The following SLC34A3 variants were observed in gnomAD, a reference collection of about 807,000 sequenced individuals.
SLC34A3 encodes sodium-dependent phosphate transport protein 2C.
A neutral mutation model predicts 43.9 loss-of-function variants in SLC34A3; 60 were observed. The observed-to-expected ratio is 1.37, with a 90% confidence interval of 1.11 to 1.70. SLC34A3 has a LOEUF of 1.70. SLC34A3 is among the 40% of genes most tolerant of loss of function. The probability of loss-of-function intolerance (pLI) is 0.00; values close to 1 mark genes in which losing one functional copy is unlikely to be tolerated. For synonymous variants in SLC34A3, 451 were observed against 386.2 expected (o/e 1.17, Z -1.97); for missense variants, 969 against 823.8 (o/e 1.18, Z -2.16).
At chr9:137,235,336 G>A (rs1012708707) in intron 12 of SLC34A3, among the ~76,000 whole-genome samples, 5 of 152,142 alleles carry the variant, frequency 3.3e-5, no homozygotes, top group South Asian at 2.1e-4. Context: ...TTCAGCTCCC[G>A]AAACTCCGGG....
intron 12 of SLC34A3, among the ~76,000 whole-genome samples, chr9:137,235,343 C>T (rs1022628127): frequency 1.3e-5 from 2 of 152,188 alleles, no homozygotes; most frequent in African/African-American, 2.4e-5. Flanking sequence ...CCCGAAACTC[C>T]GGGTCATGCT....
chr9:137,231,380 G>C (rs1029097654), intron 1 of SLC34A3, among the ~76,000 whole-genome samples: 1 of 152,148 alleles, frequency 6.6e-6, no homozygotes, highest in Non-Finnish European at 1.5e-5. Flanking sequence ...CTGCACCCTC[G>C]GCACTAGCCT....
At position 137,234,442 on chromosome 9, in the gene SLC34A3, G is replaced by T. The variant is rs762784419; in HGVS notation, c.1120G>T (p.Gly374Cys). 1 of 1,598,392 alleles carries T rather than the reference G, an allele frequency of 6.3e-7. No individual in the cohort carries two copies. Among genetic ancestry groups the T allele is most frequent in the Non-Finnish European group, 8.5e-7 (1 of 1,178,994 alleles). ...CTTCCCCTTCCCGCTGGGCTGGCTC[G>T]GCGGCTACCTGGCCGTCCTCGCGGG... The part of the protein sequence containing the change: ...ADFPFPLGWL[G>C]GYLAVLAGAG... The change falls in exon 11 of 13, where the codon GGC (glycine) becomes TGC (cysteine). Residue 374 changes from glycine to cysteine, a missense_variant. Physicochemically the swap from Gly to Cys is radical, Grantham distance 159. Transcript: ENST00000673835. The surrounding 1 kb of genome is among the most constrained non-coding windows in gnomAD (Gnocchi z 6.9).
chr9:137,230,190 G>A (rs1438588858), upstream of SLC34A3, among the ~76,000 whole-genome samples: 1 of 152,132 alleles, frequency 6.6e-6, no homozygotes, highest in East Asian at 1.9e-4. Context: ...CAGGCGGTGG[G>A]GCCAGCTGGG....
chr9:137,236,417 C>A lies in SLC34A3; in HGVS notation c.*1C>A. On this transcript the variant is annotated 3_prime_UTR_variant, in exon 13 of 13. Coordinates refer to ENST00000673835, the MANE Select transcript of SLC34A3 (RefSeq NM_001177316.2). The stretch of plus-strand genomic sequence containing the variant: ...GATCTTGGCCTCCCAGCAGTTGTGA[C>A]GGGCAGTTGCTGAGCAGACCGCCCC... 2 of 1,536,362 alleles carry A rather than the reference C, an allele frequency of 1.3e-6. No homozygotes were observed. The highest frequency in any genetic ancestry group is 1.2e-5 in the South Asian group (1 of 84,046).
At chr9:137,233,162 C>T in intron 6 of SLC34A3, 47 bp downstream of exon 6, 1 of 1,548,710 alleles carries the variant, frequency 6.5e-7, no homozygotes, top group Non-Finnish European at 8.7e-7. Context: ...GTGGCAGCCC[C>T]AGCCCGGGCC....
At chr9:137,232,517 G>A (rs1443063186) in intron 3 of SLC34A3, 58 bp from the exon 4 acceptor site, 1 of 1,604,418 alleles carries the variant, frequency 6.2e-7, no homozygotes, top group African/African-American at 1.3e-5. Context: ...GAGGGGCCTG[G>A]GAGGGAGACC....
rs199652389 is a variant in SLC34A3 at position 137,232,723 on chromosome 9, C to T, written c.304+20C>T. 406 of 1,612,904 alleles carry T rather than the reference C, an allele frequency of 2.5e-4. No homozygotes were observed. The East Asian group carries it at 8.1e-3, about 32-fold the overall frequency. On this transcript the variant is annotated intron_variant, in intron 4 of 12. Coordinates refer to ENST00000673835, the MANE Select transcript of SLC34A3 (RefSeq NM_001177316.2). ...TGGGCAGTGAGTGACGGGACGGGTG[C>T]CCAGGGCGGGGCGGGCAACCAGCCC...
At chr9:137,233,779 T>TTTGGCCCCCCCCCC in intron 8 of SLC34A3, 57 bp downstream of exon 8, 1 of 1,445,826 alleles carries the variant, frequency 6.9e-7, no homozygotes, top group Non-Finnish European at 9.6e-7. Context: ...TGCTGAGTCA[T>TTTGGCCCCCCCCCC]CCCGCCCCAC....
chr9:137,233,779 T>TGGGGGGCCCCCCCCCCCCCCCCCCCCCCC, intron 8 of SLC34A3, 57 bp downstream of exon 8: 1 of 1,445,822 alleles, frequency 6.9e-7, no homozygotes. Context: ...TGCTGAGTCA[T>TGGGGGGCCCCCCCCCCCCCCCCCCCCCCC]CCCGCCCCAC....
upstream of SLC34A3, among the ~76,000 whole-genome samples, chr9:137,230,127 C>G (rs1250663443): frequency 1.3e-5 from 2 of 152,152 alleles, no homozygotes; most frequent in African/African-American, 4.8e-5. Flanking sequence ...TCTGGGGGAG[C>G]TGCCCCGCAC....
rs1304999001 is a variant in SLC34A3, at chr9:137,236,392, G to A, written c.1776G>A (p.Glu592=). 5 of 1,537,876 alleles carry A rather than the reference G, an allele frequency of 3.3e-6. No homozygotes were observed. Among genetic ancestry groups the A allele is most frequent in the Non-Finnish European group, 4.4e-6 (5 of 1,146,776 alleles). The change falls in exon 13 of 13, where the codon GAG becomes GAA. Residue 592 remains glutamate (E), a synonymous_variant. Coordinates refer to ENST00000673835, the MANE Select transcript of SLC34A3 (RefSeq NM_001177316.2). ...TKEAYCYENP[E]ILASQQL ...AGGCCTACTGCTACGAGAACCCTGA[G>A]ATCTTGGCCTCCCAGCAGTTGTGAC...
chr9:137,232,712 C>T lies in SLC34A3; in HGVS notation c.304+9C>T, dbSNP rs758185208. The T allele has an allele frequency of 1.6e-5, 25 of 1,612,778 alleles. No homozygotes were observed. Among genetic ancestry groups the T allele is most frequent in the Middle Eastern group, 1.6e-4 (1 of 6,084 alleles). On this transcript the variant is annotated intron_variant, in intron 4 of 12. Transcript: ENST00000673835. ...CTTCCAGCTGCTGGGCAGTGAGTGA[C>T]GGGACGGGTGCCCAGGGCGGGGCGG...
intron 7 of SLC34A3, 25 bp from the exon 8 acceptor site, chr9:137,233,608 C>T (rs2131411178): frequency 6.2e-7 from 1 of 1,606,966 alleles, no homozygotes; most frequent in Non-Finnish European, 8.5e-7. Flanking sequence ...GTGCAGCACA[C>T]CGTCACGACC....
rs1258076892 is a variant in SLC34A3 at position 137,232,030 on chromosome 9, A to G, written c.86-42A>G. 8 of 1,580,232 alleles carry G rather than the reference A, an allele frequency of 5.1e-6. No homozygotes were observed. In the East Asian group the frequency reaches 1.6e-4, roughly 31 times the overall value. Reference sequence around the variant, plus strand: ...TGCCCTTGTGCCCCCAGTTGGAGGGAGGTGGTCCTGGAAACAGCCGTACTC... The same window carrying G: ...TGCCCTTGTGCCCCCAGTTGGAGGGGGGTGGTCCTGGAAACAGCCGTACTC... On this transcript the variant is annotated intron_variant, in intron 2 of 12. Transcript: ENST00000673835.
chr9:137,234,178 T>C lies in SLC34A3; in HGVS notation c.995T>C (p.Leu332Pro), dbSNP rs765668692. Residue 332 changes from leucine (L) to proline (P), a missense_variant, in exon 10 of 13, where the codon CTG (leucine) becomes CCG (proline). Coordinates refer to ENST00000673835, the MANE Select transcript of SLC34A3 (RefSeq NM_001177316.2). The surrounding 1 kb of genome is among the most constrained non-coding windows in gnomAD (Gnocchi z 6.9). ...AVGCILLAGSLLVLCGCLVLI... is the reference protein window; with the variant it reads ...AVGCILLAGSPLVLCGCLVLI... ...GGCTGCATCCTGCTGGCCGGCTCCC[T>C]GCTGGTGCTCTGCGGCTGCCTGGTC... The C allele has an allele frequency of 9.5e-5, 152 of 1,605,378 alleles. No individual in the cohort carries two copies. The highest frequency in any genetic ancestry group is 1.2e-4 in the Non-Finnish European group (147 of 1,178,418).
intron 3 of SLC34A3, 128 bp downstream of exon 3, chr9:137,232,289 C>A: frequency 1.1e-6 from 1 of 947,406 alleles, no homozygotes; most frequent in Admixed American, 1.9e-5. Context: ...CAGGCCCCCT[C>A]TGGGGAGACA....
rs201683019 is a variant in SLC34A3, at chr9:137,234,484, G to A, written c.1162G>A (p.Ala388Thr). The A allele has an allele frequency of 1.8e-4, 287 of 1,602,314 alleles. No homozygotes were observed. In the African/African-American group the frequency reaches 3.3e-3, roughly 19 times the overall value. The change falls in exon 11 of 13, where the codon GCA becomes ACA. Residue 388 changes from alanine (A) to threonine (T), a missense_variant. Coordinates refer to ENST00000673835, the MANE Select transcript of SLC34A3 (RefSeq NM_001177316.2). This position sits in a 1 kb window ranked among gnomAD's most constrained non-coding sequence, Gnocchi z 6.9. The part of the protein sequence containing the change: ...AVLAGAGLTF[A>T]LQSSSVFTAA... Reference sequence around the variant, plus strand: ...CCTCGCGGGCGCCGGCCTGACCTTCGCACTGCAGAGCAGCAGCGTCTTCAC... The same window carrying A: ...CCTCGCGGGCGCCGGCCTGACCTTCACACTGCAGAGCAGCAGCGTCTTCAC...
rs121918239 is a variant in SLC34A3 at position 137,233,404 on chromosome 9, G to A, written c.756G>A (p.Gln252=). Residue 252 remains glutamine, a splice_region_variant and synonymous_variant, in exon 7 of 13, where the codon CAG becomes CAA. Coordinates refer to ENST00000673835, the MANE Select transcript of SLC34A3 (RefSeq NM_001177316.2). ...LTKPLTHLIV[Q]LDSDMIMSSA... ...AGCCGCTCACACACCTCATCGTGCA[G>A]GTGAGGACGGCCACCGCCCCCGCCC... 2.3e-3 allele frequency: 3,713 copies of A among 1,600,354 alleles called. 14 individuals carry two copies. Among genetic ancestry groups the A allele is most frequent in the South Asian group, 7.7e-3 (692 of 89,942 alleles).
Sources: allele counts gnomAD v4.1 joint callset (sites outside exome capture counted in the v4.1 genomes callset), GRCh38; gene constraint gnomAD v4.1.1; non-coding constraint Gnocchi (gnomAD v3.1); transcripts MANE v1.5; gene names NCBI Gene and HGNC (gene_info 2026-07-23, HGNC 2026-07-21).